The following LINGO2 variants were observed in gnomAD, a reference collection of about 807,000 sequenced individuals.
LINGO2 encodes leucine-rich repeat and immunoglobulin-like domain-containing nogo receptor-interacting protein 2.
LINGO2 carries 14 observed loss-of-function variants against 30.6 expected under a neutral mutation model. That is an observed-to-expected ratio of 0.46 (90% CI 0.30 to 0.72). The LOEUF is 0.72. Among genes scored for constraint, LINGO2 ranks in the 30% least tolerant of loss-of-function variants. The pLI, the probability that LINGO2 is intolerant of heterozygous loss-of-function variation, is 0.07. For synonymous variants in LINGO2, 317 were observed against 288.5 expected, an observed-to-expected ratio of 1.10 and a Z score of -1.00; for missense variants, 729 against 751.7, an observed-to-expected ratio of 0.97 and a Z score of 0.35.
rs543345131 is a variant in LINGO2, at chr9:28,552,443, T to C, written c.-364-76418A>G. 3.3e-5 allele frequency among the ~76,000 whole-genome samples: 5 copies of C among 152,116 alleles called. 1 individual carries two copies. Among genetic ancestry groups the C allele is most frequent in the African/African-American group, 1.2e-4 (5 of 41,572 alleles). On this transcript the variant is annotated intron_variant, in intron 1 of 5. Coordinates refer to ENST00000379992, the Ensembl canonical transcript of LINGO2. Reference sequence around the variant, plus strand: ...TCTCATCAGAATCACGAACACTTGGTCTTATTGTTTACTAGCTTATTTCAT... The same window carrying C: ...TCTCATCAGAATCACGAACACTTGGCCTTATTGTTTACTAGCTTATTTCAT...
intron 1 of LINGO2, among the ~76,000 whole-genome samples, chr9:28,477,199 C>T (rs1825763508): frequency 6.6e-6 from 1 of 152,116 alleles, no homozygotes; most frequent in South Asian, 2.1e-4. Context: ...ATGACACTGC[C>T]ACTTGTGTGA....
chr9:28,165,179 G>A (rs1321807776), intron 4 of LINGO2, among the ~76,000 whole-genome samples: 2 of 152,178 alleles, frequency 1.3e-5, no homozygotes, highest in East Asian at 1.9e-4. Flanking sequence ...CTAAAATAAG[G>A]ACAAATGCAG....
chr9:28,347,145 TG>T (rs1819613355), intron 3 of LINGO2, among the ~76,000 whole-genome samples: 2 of 152,204 alleles, frequency 1.3e-5, no homozygotes, highest in African/African-American at 4.8e-5. Context: ...TGTGAATCCA[TG>T]GTTACATTTA....
At chr9:28,632,261 C>G (rs547700025) in intron 1 of LINGO2, among the ~76,000 whole-genome samples, 14 of 152,056 alleles carry the variant, frequency 9.2e-5, no homozygotes, top group Admixed American at 1.3e-4. Context: ...TGGGAGAGAG[C>G]AATCAAATAT....
intron 2 of LINGO2, among the ~76,000 whole-genome samples, chr9:28,407,608 G>C (rs73435251): frequency 6.6e-6 from 1 of 152,076 alleles, no homozygotes; most frequent in Non-Finnish European, 1.5e-5. Flanking sequence ...TTTTCCTAAG[G>C]GTTTCTGCTA....
At chr9:28,344,923 C>T (rs1819506664) in intron 3 of LINGO2, among the ~76,000 whole-genome samples, 1 of 152,094 alleles carries the variant, frequency 6.6e-6, no homozygotes, top group Non-Finnish European at 1.5e-5. Flanking sequence ...AAAGGAGCCA[C>T]AGATTATTTT....
chr9:28,832,343 T>C, the LINGO2 span, among the ~76,000 whole-genome samples: 1 of 152,322 alleles, frequency 6.6e-6, no homozygotes, highest in East Asian at 1.9e-4. Flanking sequence ...TTACAATTTG[T>C]TACAAATACC....
the LINGO2 span, among the ~76,000 whole-genome samples, chr9:29,060,261 T>C: frequency 6.6e-6 from 1 of 151,974 alleles, no homozygotes; most frequent in Non-Finnish European, 1.5e-5. Flanking sequence ...CCAGAGAATA[T>C]GGTGAGCATC....
chr9:28,299,145 A>C (rs966540116), intron 3 of LINGO2, among the ~76,000 whole-genome samples: 1 of 152,132 alleles, frequency 6.6e-6, no homozygotes, highest in African/African-American at 2.4e-5. Flanking sequence ...CCGTGGAGAC[A>C]TGTTGCATAA....
intron 2 of LINGO2, among the ~76,000 whole-genome samples, chr9:28,472,097 A>T (rs1348999939): frequency 6.6e-6 from 1 of 152,138 alleles, no homozygotes; most frequent in African/African-American, 2.4e-5. Flanking sequence ...AATGGTGTTC[A>T]TTATGTCTTA....
At chr9:28,074,577 T>A (rs1318565298) in intron 4 of LINGO2, among the ~76,000 whole-genome samples, 2 of 152,134 alleles carry the variant, frequency 1.3e-5, no homozygotes, top group Admixed American at 6.6e-5. Context: ...CCAGAGGAAG[T>A]ACATAGAGAC....
At chr9:29,198,222 A>C in the LINGO2 span, among the ~76,000 whole-genome samples, 1 of 152,150 alleles carries the variant, frequency 6.6e-6, no homozygotes, top group South Asian at 2.1e-4. Flanking sequence ...GAGACCCAAA[A>C]TGCAATAACC....
intron 2 of LINGO2, among the ~76,000 whole-genome samples, chr9:28,373,710 G>T (rs1211417749): frequency 6.6e-6 from 1 of 151,974 alleles, no homozygotes; most frequent in Non-Finnish European, 1.5e-5. Flanking sequence ...GACCAGCCTG[G>T]CCAACATGGC....
intron 1 of LINGO2, among the ~76,000 whole-genome samples, chr9:28,511,026 C>G (rs1381445891): frequency 1.3e-5 from 2 of 151,986 alleles, no homozygotes; most frequent in Non-Finnish European, 2.9e-5. Flanking sequence ...GCTGATTAGA[C>G]TGTGCCCACT....
chr9:28,950,677 A>C, the LINGO2 span, among the ~76,000 whole-genome samples: 1 of 152,260 alleles, frequency 6.6e-6, no homozygotes, highest in Admixed American at 6.5e-5. Flanking sequence ...GCCTAGGAAT[A>C]CAAGTTACAA....
intron 4 of LINGO2, among the ~76,000 whole-genome samples, chr9:28,257,233 CTCTTA>C (rs1822412468): frequency 6.6e-6 from 1 of 151,790 alleles, no homozygotes; most frequent in East Asian, 1.9e-4. Flanking sequence ...CATAAAGCGT[CTCTTA>C]GACTTATTCA....
chr9:28,514,841 GTTGAC>G (rs1384428769), intron 1 of LINGO2, among the ~76,000 whole-genome samples: 1 of 151,970 alleles, frequency 6.6e-6, no homozygotes, highest in African/African-American at 2.4e-5. Flanking sequence ...AACAGCAGCT[GTTGAC>G]TTTAAGTTTA....
At chr9:27,955,970 G>C (rs1176569640) in intron 5 of LINGO2, among the ~76,000 whole-genome samples, 1 of 107,304 alleles carries the variant, frequency 9.3e-6, no homozygotes, top group Admixed American at 1.4e-4. Context: ...ACGGAGTTTC[G>C]CTCTTGTTGC....
At chr9:28,833,500 G>C in the LINGO2 span, among the ~76,000 whole-genome samples, 1 of 152,150 alleles carries the variant, frequency 6.6e-6, no homozygotes, top group African/African-American at 2.4e-5. Flanking sequence ...TGGAACCTAA[G>C]TCTGAGAGAG....
Sources: gnomAD v4.1 joint callset for allele counts (sites outside exome capture counted in the v4.1 genomes callset) on GRCh38, gnomAD v4.1.1 for gene constraint, MANE v1.5 for transcripts, NCBI Gene and HGNC (gene_info 2026-07-23, HGNC 2026-07-21) for gene names.